The following TMEM135 variants were observed in gnomAD, a reference collection of about 807,000 sequenced individuals.
TMEM135 encodes the protein peroxisomal membrane protein 52.
In TMEM135, 30 loss-of-function variants were observed where a neutral mutation model predicts 60.3. That is an observed-to-expected ratio of 0.50 (90% CI 0.37 to 0.68). TMEM135 has a LOEUF of 0.68. Ranked by LOEUF, TMEM135 falls within the 30% of genes least tolerant of loss-of-function variation. The pLI is 0.00. For synonymous variants in TMEM135, 190 were observed against 186.7 expected (o/e 1.02, Z -0.14); for missense variants, 468 against 548.8 (o/e 0.85, Z 1.47).
intron 1 of TMEM135, among the ~76,000 whole-genome samples, chr11:87,055,655 A>G (rs1949887272): frequency 6.6e-6 from 1 of 151,442 alleles, no homozygotes; most frequent in Non-Finnish European, 1.5e-5. Flanking sequence ...CAATAGCACG[A>G]TCTCGGCTCA....
intron 2 of TMEM135, 133 bp downstream of exon 2, chr11:87,067,954 A>G (rs562307023): frequency 8.9e-7 from 1 of 1,117,422 alleles, no homozygotes; most frequent in African/African-American, 1.6e-5. Flanking sequence ...AGTGACATTT[A>G]TGTCAATGAA....
chr11:87,184,241 CAT>C (rs1425562259), intron 5 of TMEM135, among the ~76,000 whole-genome samples: 2 of 152,094 alleles, frequency 1.3e-5, no homozygotes, highest in Admixed American at 6.5e-5. Flanking sequence ...ATGAATATCA[CAT>C]ATTTATTGCA....
At chr11:87,276,552 G>A (rs1941969858) in intron 6 of TMEM135, among the ~76,000 whole-genome samples, 1 of 150,326 alleles carries the variant, frequency 6.7e-6, no homozygotes, top group Non-Finnish European at 1.5e-5. Context: ...GTTTATATAA[G>A]AGTGTTTGTG....
intron 4 of TMEM135, among the ~76,000 whole-genome samples, chr11:87,137,762 C>T (rs1938144344): frequency 6.6e-6 from 1 of 151,740 alleles, no homozygotes; most frequent in Non-Finnish European, 1.5e-5. Flanking sequence ...TGTTAATTTT[C>T]ATTATGTTAA....
At chr11:87,198,949 A>G (rs1488939084) in intron 5 of TMEM135, among the ~76,000 whole-genome samples, 1 of 152,168 alleles carries the variant, frequency 6.6e-6, no homozygotes, top group African/African-American at 2.4e-5. Flanking sequence ...TTATATTTTA[A>G]ATCTATGCAG....
chr11:87,113,625 A>G (rs1038182086), intron 4 of TMEM135, among the ~76,000 whole-genome samples: 2 of 152,106 alleles, frequency 1.3e-5, no homozygotes, highest in South Asian at 2.1e-4. Flanking sequence ...AACTGATTCT[A>G]TAACAGACCT....
intron 5 of TMEM135, among the ~76,000 whole-genome samples, chr11:87,219,080 T>G (rs1024282898): frequency 1.3e-5 from 2 of 152,214 alleles, no homozygotes; most frequent in African/African-American, 4.8e-5. Flanking sequence ...TTAAATAAAA[T>G]TAAAACATTA....
At chr11:87,078,975 C>T (rs1856929164) in intron 3 of TMEM135, among the ~76,000 whole-genome samples, 1 of 151,906 alleles carries the variant, frequency 6.6e-6, no homozygotes, top group East Asian at 1.9e-4. Context: ...GAATATTTAG[C>T]TCCAAGTTTT....
chr11:87,318,153 G>T lies in TMEM135; in HGVS notation c.1094G>T (p.Gly365Val), dbSNP rs1325616438. 6.2e-7 allele frequency: 1 copy of T among 1,612,306 alleles called. No homozygotes were observed. The highest frequency in any genetic ancestry group is 2.2e-5 in the East Asian group (1 of 44,822). The part of the protein sequence containing the change: ...SKLVETMYFK[G>V]IEAGKVPYFP... Reference sequence around the variant, plus strand: ...GTTTTGCAGACAATGTATTTCAAAGGCATTGAAGCAGGGAAGGTTCCCTAT... The same window carrying T: ...GTTTTGCAGACAATGTATTTCAAAGTCATTGAAGCAGGGAAGGTTCCCTAT... Residue 365 changes from glycine (G) to valine (V), a missense_variant, in exon 13 of 15, where the codon GGC becomes GTC. Transcript: ENST00000305494.
At chr11:87,178,060 A>G (rs1939423237) in intron 5 of TMEM135, among the ~76,000 whole-genome samples, 1 of 151,982 alleles carries the variant, frequency 6.6e-6, no homozygotes, top group Non-Finnish European at 1.5e-5. Flanking sequence ...CAGTGTTCAG[A>G]GCTTTTATTG....
intron 13 of TMEM135, chr11:87,319,060 G>A (rs557519403): frequency 2.4e-6 from 1 of 415,946 alleles, no homozygotes; most frequent in East Asian, 4.9e-5. Flanking sequence ...GTAGAGACGG[G>A]TTTTCTCCAT....
At chr11:87,246,866 T>C (rs1469919996) in intron 6 of TMEM135, among the ~76,000 whole-genome samples, 1 of 119,062 alleles carries the variant, frequency 8.4e-6, no homozygotes, top group East Asian at 2.0e-4. Context: ...AAAGTCATTC[T>C]CCGTCCAACG....
intron 7 of TMEM135, among the ~76,000 whole-genome samples, chr11:87,301,256 AT>A (rs549816973): frequency 0.021 from 3,023 of 145,352 alleles, 40 homozygotes; most frequent in Middle Eastern, 0.035. Context: ...CTCAAGTTAC[AT>A]TTTTTTTTTT....
chr11:87,243,818 T>C (rs2135381976), intron 6 of TMEM135, among the ~76,000 whole-genome samples: 1 of 84,200 alleles, frequency 1.2e-5, no homozygotes, highest in African/African-American at 4.5e-5. Context: ...TGACTTCCTC[T>C]TTTCCTAATT....
intron 6 of TMEM135, among the ~76,000 whole-genome samples, chr11:87,292,176 T>C (rs547723061): frequency 5.9e-5 from 9 of 152,360 alleles, no homozygotes; most frequent in Non-Finnish European, 1.3e-4. Context: ...TTAACCATAC[T>C]GTGTAAAGTA....
chr11:87,206,773 G>T (rs762601705), intron 5 of TMEM135, among the ~76,000 whole-genome samples: 6 of 152,068 alleles, frequency 3.9e-5, no homozygotes, highest in Non-Finnish European at 8.8e-5. Flanking sequence ...ATTAATGTGG[G>T]CATTTTCAGT....
chr11:87,289,579 C>T (rs1416975657), intron 6 of TMEM135, among the ~76,000 whole-genome samples: 3 of 151,640 alleles, frequency 2.0e-5, no homozygotes, highest in African/African-American at 7.3e-5. Flanking sequence ...GCCTCAGCCT[C>T]CCGAGTAGCT....
intron 5 of TMEM135, among the ~76,000 whole-genome samples, chr11:87,227,852 A>G (rs1297879474): frequency 6.6e-6 from 1 of 152,152 alleles, no homozygotes; most frequent in Admixed American, 6.5e-5. Context: ...TAGTCTTTTA[A>G]AAAAGTATAT....
chr11:87,159,617 A>ACACACACACACACACACACACACCCCCCC (rs140303858), intron 5 of TMEM135, among the ~76,000 whole-genome samples: 8 of 149,344 alleles, frequency 5.4e-5, no homozygotes, highest in African/African-American at 2.0e-4. Context: ...ACACACACAC[A>ACACACACACACACACACACACACCCCCCC]CCATAGATTT....
Sources: allele counts gnomAD v4.1 joint callset (sites outside exome capture counted in the v4.1 genomes callset), GRCh38; gene constraint gnomAD v4.1.1; transcripts MANE v1.5; gene names NCBI Gene and HGNC (gene_info 2026-07-23, HGNC 2026-07-21).